Variants in TP73 observed in about 807,000 individuals in gnomAD.
The protein encoded by TP73 is tumor protein p73.
In TP73, 25 loss-of-function variants were observed where a neutral mutation model predicts 62.5. That is an observed-to-expected ratio of 0.40 (90% CI 0.29 to 0.56). The LOEUF is 0.56. Ranked by LOEUF, TP73 falls within the 20% of genes least tolerant of loss-of-function variation. The pLI is 0.46. For missense variants in TP73, 754 were observed against 913.3 expected (o/e 0.83, Z 2.25); for synonymous variants, 423 against 377.5 (o/e 1.12, Z -1.40).
intron 3 of TP73, among the ~76,000 whole-genome samples, chr1:3,700,703 C>A (rs1238318489): frequency 6.6e-6 from 1 of 152,048 alleles, no homozygotes; most frequent in African/African-American, 2.4e-5. Flanking sequence ...ATCGCTTGAA[C>A]CCAGGAGGTG....
intron 3 of TP73, among the ~76,000 whole-genome samples, chr1:3,693,405 C>T (rs1300972464): frequency 6.6e-6 from 1 of 152,130 alleles, no homozygotes; most frequent in Non-Finnish European, 1.5e-5. Flanking sequence ...GGAAGAGGCC[C>T]CTGGGTTGCA....
intron 4 of TP73, among the ~76,000 whole-genome samples, chr1:3,709,888 T>A (rs1313312335): frequency 6.6e-6 from 1 of 152,160 alleles, no homozygotes; most frequent in Non-Finnish European, 1.5e-5. Flanking sequence ...CTGCATGTGG[T>A]CTGAGCTGAT....
chr1:3,709,739 C>T (rs944776895), intron 4 of TP73, among the ~76,000 whole-genome samples: 1 of 152,232 alleles, frequency 6.6e-6, no homozygotes, highest in African/African-American at 2.4e-5. Flanking sequence ...ACACTGACCT[C>T]CTGCCCTGGG....
intron 4 of TP73, among the ~76,000 whole-genome samples, chr1:3,715,795 TCAC>T (rs1344369326): frequency 1.3e-5 from 2 of 152,072 alleles, no homozygotes; most frequent in African/African-American, 4.8e-5. Context: ...CCCTGGGCCT[TCAC>T]TATGCACTGG....
chr1:3,707,501 G>T, intron 3 of TP73, 48 bp from the exon 4 acceptor site: 3 of 1,578,576 alleles, frequency 1.9e-6, no homozygotes, highest in South Asian at 2.3e-5. Flanking sequence ...GGGACAGGAC[G>T]ACTGACTGTG....
rs775213592 is a variant in TP73 at position 3,729,322 on chromosome 1, C to T, written c.1075-5C>T. The T allele has an allele frequency of 6.2e-7, 1 of 1,613,046 alleles. No homozygotes were observed. Among genetic ancestry groups the T allele is most frequent in the South Asian group, 1.1e-5 (1 of 91,072 alleles). On this transcript the variant is annotated splice_polypyrimidine_tract_variant and splice_region_variant and intron_variant, in intron 9 of 13. Coordinates refer to ENST00000378295, the MANE Select transcript of TP73 (RefSeq NM_005427.4). ...GTGGGCAGAGATCTGCTCCTCTGTG[C>T]TCAGGTGCGAGGCCGGGAGAACTTT...
At chr1:3,730,546 G>C (rs979410649) in intron 11 of TP73, among the ~76,000 whole-genome samples, 2 of 152,178 alleles carry the variant, frequency 1.3e-5, no homozygotes, top group South Asian at 2.1e-4. Flanking sequence ...GGCTCCATTG[G>C]ATAGAGTTTG....
rs535176944 is a variant in TP73 at position 3,732,606 on chromosome 1, C to T, written c.1579-141C>T. Reference sequence around the variant, plus strand: ...GCCAGGAGTGACTCTGGTGGGCTCTCCCCCTCCCCCGTCTCCTGCCTACTC... The same window carrying T: ...GCCAGGAGTGACTCTGGTGGGCTCTTCCCCTCCCCCGTCTCCTGCCTACTC... On this transcript the variant is annotated intron_variant, in intron 13 of 13. Coordinates refer to ENST00000378295, the MANE Select transcript of TP73 (RefSeq NM_005427.4). 1.6e-5 allele frequency: 12 copies of T among 735,492 alleles called. No homozygotes were observed. The South Asian group carries it at 1.9e-4, about 12-fold the overall frequency. The allele number at this position is 735,492 out of a possible 1,614,324, so 45.6% of individuals were successfully genotyped here.
At chr1:3,658,390 A>T (rs528191510) in intron 1 of TP73, among the ~76,000 whole-genome samples, 1 of 152,304 alleles carries the variant, frequency 6.6e-6, no homozygotes, top group Admixed American at 6.5e-5. Context: ...AGTGCCATAA[A>T]AACAGGAGAC....
chr1:3,657,692 G>A (rs899263516), intron 1 of TP73, among the ~76,000 whole-genome samples: 3 of 152,210 alleles, frequency 2.0e-5, no homozygotes, highest in South Asian at 2.1e-4. Flanking sequence ...TCTAAGCCAC[G>A]CCCCTCTTTT....
chr1:3,697,096 C>G (rs1638729830), intron 3 of TP73, among the ~76,000 whole-genome samples: 1 of 151,574 alleles, frequency 6.6e-6, no homozygotes, highest in Non-Finnish European at 1.5e-5. Flanking sequence ...GAGGCACTCT[C>G]CATGCCTGAG....
At chr1:3,688,487 C>A (rs531111671) in intron 3 of TP73, among the ~76,000 whole-genome samples, 10 of 152,332 alleles carry the variant, frequency 6.6e-5, no homozygotes, top group Non-Finnish European at 1.0e-4. Flanking sequence ...GTCGTTCCCC[C>A]CTGTCCTGCG....
intron 9 of TP73, 121 bp downstream of exon 9, chr1:3,728,338 A>G (rs918247823): frequency 1.5e-4 from 152 of 1,037,872 alleles, no homozygotes; most frequent in Middle Eastern, 4.2e-4. Flanking sequence ...GGAGGAGCCC[A>G]GCCCTGTGTG....
chr1:3,669,687 G>A (rs1202659150), intron 1 of TP73, among the ~76,000 whole-genome samples: 4 of 152,348 alleles, frequency 2.6e-5, no homozygotes, highest in South Asian at 2.1e-4. Context: ...CGGCACTCAC[G>A]CAGCTACTCC....
Position 3,730,165 on chromosome 1 carries a change from G to C in TP73, c.1345+17G>C. ...GGCCCGTGGGTGAGTCCCTTGGGCA[G>C]TGCGGGCCCACGGGCAGGGCGGGGA... On this transcript the variant is annotated intron_variant, in intron 11 of 13. Transcript: ENST00000378295. 6.6e-7 allele frequency: 1 copy of C among 1,519,340 alleles called. No individual in the cohort carries two copies. Among genetic ancestry groups the C allele is most frequent in the Non-Finnish European group, 8.9e-7 (1 of 1,125,384 alleles). The allele number at this position is 1,519,340 out of a possible 1,614,324, so 94.1% of individuals were successfully genotyped here.
At position 3,727,118 on chromosome 1, in the gene TP73, G is replaced by A. The variant is rs1205940639; in HGVS notation, c.736G>A (p.Gly246Arg). The A allele has an allele frequency of 1.9e-6, 3 of 1,611,518 alleles. No individual in the cohort carries two copies. The highest frequency in any genetic ancestry group is 2.5e-6 in the Non-Finnish European group (3 of 1,179,224). Residue 246 changes from glycine to arginine, a missense_variant, in exon 7 of 14, where the codon GGG becomes AGG. Gly to Arg is a moderately radical substitution (Grantham distance 125, BLOSUM62 -2). Around this residue, in one of 3 missense-constraint regions of TP73, gnomAD observed 61 missense variants for 133.2 expected, o/e 0.46. Transcript: ENST00000378295. ...VVVPYEPPQV[G>R]TEFTTILYNF... ...CTCCCTGCTCCCCCATGTGCAGGTG[G>A]GGACGGAATTCACCACCATCCTGTA... is the stretch of plus-strand genomic sequence containing the variant.
intron 6 of TP73, among the ~76,000 whole-genome samples, chr1:3,726,703 G>A (rs1641656714): frequency 7.4e-6 from 1 of 134,828 alleles, no homozygotes; most frequent in African/African-American, 2.7e-5. Context: ...TGGTTGGATG[G>A]GGTGGGTGGA....
At chr1:3,716,361 C>T (rs534735416) in intron 4 of TP73, among the ~76,000 whole-genome samples, 21 of 152,336 alleles carry the variant, frequency 1.4e-4, no homozygotes, top group African/African-American at 5.1e-4. Context: ...GCCTCACAGG[C>T]ATTCTGAAGC....
intron 11 of TP73, 100 bp downstream of exon 11, chr1:3,730,248 T>G (rs1570648732): frequency 7.5e-7 from 1 of 1,325,800 alleles, no homozygotes; most frequent in African/African-American, 1.5e-5. Context: ...CCAGGGCAGG[T>G]GTCTCTGTGG....
Sources: allele counts gnomAD v4.1 joint callset (sites outside exome capture counted in the v4.1 genomes callset), GRCh38; gene constraint gnomAD v4.1.1; regional missense constraint gnomAD v4.1.1; transcripts MANE v1.5; gene names NCBI Gene and HGNC (gene_info 2026-07-23, HGNC 2026-07-21).